The following FSD1L variants were observed in gnomAD, a reference collection of about 807,000 sequenced individuals.
The protein encoded by FSD1L is FSD1-like protein.
A neutral mutation model predicts 71.6 loss-of-function variants in FSD1L; 45 were observed. That is an observed-to-expected ratio of 0.63 (90% CI 0.49 to 0.81). The LOEUF (loss-of-function observed/expected upper bound fraction) is 0.81, where lower values mean the gene tolerates loss of function less well. Among genes scored for constraint, FSD1L ranks in the 30% least tolerant of loss-of-function variants. The probability of loss-of-function intolerance (pLI) is 0.00; values close to 1 mark genes in which losing one functional copy is unlikely to be tolerated. For synonymous variants in FSD1L, 197 were observed against 207.2 expected (o/e 0.95, Z 0.42); for missense variants, 561 against 618.1 (o/e 0.91, Z 0.98).
chr9:105,484,340 C>A, intron 6 of FSD1L, 41 bp from the exon 7 acceptor site: 1 of 1,371,870 alleles, frequency 7.3e-7, no homozygotes, highest in South Asian at 1.7e-5. Flanking sequence ...TTGATACTTC[C>A]TATTTCTTTA....
In FSD1L at chr9:105,551,589, G is replaced by A. The variant is rs905230860; in HGVS notation, c.*5106G>A. 6 of 152,258 alleles carry A rather than the reference G, an allele frequency of 3.9e-5. No individual in the cohort carries two copies. The highest frequency in any genetic ancestry group is 2.0e-4 in the Admixed American group (3 of 15,296). The allele number at this position is 152,258 out of a possible 1,614,324, so 9.4% of individuals were successfully genotyped here. On this transcript the variant is annotated 3_prime_UTR_variant, in exon 14 of 14. Coordinates refer to ENST00000481272, the MANE Select transcript of FSD1L (RefSeq NM_001145313.3). ...GTAGATGCATTTACTTTGATAAAGC[G>A]TGTGCTTAAAGTGGTATCACCAGTG...
chr9:105,468,468 C>T, intron 4 of FSD1L, 144 bp downstream of exon 4: 1 of 570,538 alleles, frequency 1.8e-6, no homozygotes. Flanking sequence ...CATAAGTATT[C>T]TAAAATTGTT....
chr9:105,469,844 A>T (rs192922162), intron 4 of FSD1L, among the ~76,000 whole-genome samples: 111 of 152,244 alleles, frequency 7.3e-4, no homozygotes, highest in Non-Finnish European at 1.0e-3. Context: ...TCATTGACAA[A>T]TACAGTGTTA....
At chr9:105,480,679 G>T (rs1832116965) in intron 6 of FSD1L, among the ~76,000 whole-genome samples, 1 of 152,182 alleles carries the variant, frequency 6.6e-6, no homozygotes, top group African/African-American at 2.4e-5. Flanking sequence ...GATCTAGAAA[G>T]ATGATTGTGA....
intron 7 of FSD1L, among the ~76,000 whole-genome samples, chr9:105,498,190 T>TTTATTATCATTATTA (rs1554708762): frequency 2.1e-5 from 3 of 143,412 alleles, no homozygotes; most frequent in Non-Finnish European, 3.0e-5. Flanking sequence ...TTGCTTTGGC[T>TTTATTATCATTATTA]TTATTATTAT....
At chr9:105,521,215 G>C in intron 10 of FSD1L, 1 of 1,614,164 alleles carries the variant, frequency 6.2e-7, no homozygotes, top group Non-Finnish European at 8.5e-7. Context: ...CCACATACAG[G>C]ACCTCATATT....
chr9:105,448,509 C>T (rs1829772479), intron 1 of FSD1L, among the ~76,000 whole-genome samples: 2 of 152,238 alleles, frequency 1.3e-5, no homozygotes, highest in South Asian at 2.1e-4. Context: ...AGCCATCCCC[C>T]TTTTAAAATC....
chr9:105,496,065 C>G (rs554894419), intron 7 of FSD1L, among the ~76,000 whole-genome samples: 6 of 151,272 alleles, frequency 4.0e-5, no homozygotes, highest in Non-Finnish European at 7.4e-5. Flanking sequence ...TTCCCCTTGA[C>G]GATGTCTTTT....
intron 10 of FSD1L, among the ~76,000 whole-genome samples, chr9:105,515,151 C>CAG (rs1235214563): frequency 2.6e-5 from 4 of 152,136 alleles, no homozygotes; most frequent in African/African-American, 9.7e-5. Flanking sequence ...GCGAGAAGGG[C>CAG]AGCTCACCCT....
chr9:105,517,456 A>T (rs1032635602), intron 10 of FSD1L, among the ~76,000 whole-genome samples: 2 of 152,240 alleles, frequency 1.3e-5, no homozygotes, highest in Admixed American at 6.5e-5. Context: ...GACTAACAGC[A>T]GATCTCTCTG....
chr9:105,519,653 A>C (rs1313540227), intron 10 of FSD1L, among the ~76,000 whole-genome samples: 2 of 152,216 alleles, frequency 1.3e-5, no homozygotes, highest in African/African-American at 4.8e-5. Flanking sequence ...ATGTATCTCA[A>C]AATAATAAGA....
intron 10 of FSD1L, chr9:105,520,928 A>C: frequency 6.2e-7 from 1 of 1,612,062 alleles, no homozygotes; most frequent in South Asian, 1.1e-5. Context: ...TAAAAAGTTT[A>C]GAATGGAAGA....
chr9:105,488,384 AGTCCAT>A (rs1832693982), intron 7 of FSD1L, among the ~76,000 whole-genome samples: 2 of 152,330 alleles, frequency 1.3e-5, no homozygotes, highest in South Asian at 4.1e-4. Flanking sequence ...ATGGAATAAT[AGTCCAT>A]TGTCTAGATG....
intron 10 of FSD1L, chr9:105,520,171 A>G (rs1394651208): frequency 1.9e-6 from 3 of 1,611,074 alleles, no homozygotes; most frequent in East Asian, 2.2e-5. Flanking sequence ...AAGTCCACCC[A>G]GAAGGTGCTA....
chr9:105,479,432 T>C, intron 6 of FSD1L, 56 bp downstream of exon 6: 3 of 1,397,226 alleles, frequency 2.1e-6, no homozygotes, highest in Non-Finnish European at 2.9e-6. Flanking sequence ...AGAAATGAAA[T>C]TCAGAAATAG....
intron 1 of FSD1L, among the ~76,000 whole-genome samples, chr9:105,457,566 T>C (rs1830432467): frequency 6.6e-6 from 1 of 152,228 alleles, no homozygotes; most frequent in African/African-American, 2.4e-5. Flanking sequence ...AAGATAGTAG[T>C]AATAATTCTA....
intron 10 of FSD1L, among the ~76,000 whole-genome samples, chr9:105,527,568 C>G (rs1835591100): frequency 6.6e-6 from 1 of 151,926 alleles, no homozygotes; most frequent in Non-Finnish European, 1.5e-5. Context: ...GATATTGGTA[C>G]TAACTGCATG....
At chr9:105,466,566 G>A (rs371912290) in intron 3 of FSD1L, among the ~76,000 whole-genome samples, 11 of 152,184 alleles carry the variant, frequency 7.2e-5, no homozygotes, top group African/African-American at 2.6e-4. Context: ...GGTGGCAAGC[G>A]CCTGTAATCC....
chr9:105,524,405 CAAG>C (rs1184241134), intron 10 of FSD1L: 1 of 1,613,712 alleles, frequency 6.2e-7, no homozygotes, highest in Non-Finnish European at 8.5e-7. Flanking sequence ...ATGAAATGGA[CAAG>C]AGGTTGGTAG....
Sources: gnomAD v4.1 joint callset for allele counts (sites outside exome capture counted in the v4.1 genomes callset) on GRCh38, gnomAD v4.1.1 for gene constraint, MANE v1.5 for transcripts, NCBI Gene and HGNC (gene_info 2026-07-23, HGNC 2026-07-21) for gene names.